The following DGKD variants were observed in gnomAD, a reference collection of about 807,000 sequenced individuals.
The protein encoded by DGKD is DAG kinase delta.
DGKD carries 68 observed loss-of-function variants against 154.4 expected under a neutral mutation model. That is an observed-to-expected ratio of 0.44 (90% confidence interval 0.36 to 0.54). DGKD has a LOEUF of 0.54. Ranked by LOEUF, DGKD falls within the 20% of genes least tolerant of loss-of-function variation. The pLI is 0.00. For missense variants in DGKD, 1,343 were observed against 1,593.6 expected (o/e 0.84, Z 2.68); for synonymous variants, 693 against 638.0 (o/e 1.09, Z -1.30).
intron 3 of DGKD, among the ~76,000 whole-genome samples, chr2:233,398,094 C>T (rs1393442007): frequency 9.1e-6 from 1 of 110,428 alleles, no homozygotes; most frequent in South Asian, 3.6e-4. Flanking sequence ...CCCCCACCCC[C>T]GATTTTGGCA....
rs182860728 is a variant in DGKD at position 233,423,816 on chromosome 2, C to G, written c.349-10564C>G. ...TTGTTGGGGCTTTCCACCCACCCCC[C>G]CAGTATCCATCACTGTTTTCGGCTG... On this transcript the variant is annotated intron_variant, in intron 3 of 29. Coordinates refer to ENST00000264057, the MANE Select transcript of DGKD (RefSeq NM_152879.3). 8.9e-3 allele frequency among the ~76,000 whole-genome samples: 1,354 copies of G among 152,258 alleles called. 13 individuals are homozygous for G. Among genetic ancestry groups the G allele is most frequent in the Middle Eastern group, 0.044 (13 of 294 alleles).
At chr2:233,451,142 A>T in intron 17 of DGKD, 92 bp downstream of exon 17, 10 of 1,176,384 alleles carry the variant, frequency 8.5e-6, no homozygotes, top group South Asian at 1.6e-5. Context: ...GCCCTCGGAG[A>T]GTTTACAGGC....
intron 1 of DGKD, among the ~76,000 whole-genome samples, chr2:233,359,199 C>T (rs866280980): frequency 6.6e-6 from 1 of 152,248 alleles, no homozygotes. Context: ...ATGAAGCATG[C>T]GATTGTGGAC....
Position 233,440,826 on chromosome 2 carries a change from G to C in DGKD, c.1086-1061G>C, listed in dbSNP as rs746584269. Among the ~76,000 whole-genome samples the C allele has an allele frequency of 1.3e-5, 2 of 152,188 alleles. No individual in the cohort carries two copies. The highest frequency in any genetic ancestry group is 2.9e-5 in the Non-Finnish European group (2 of 68,036). On this transcript the variant is annotated intron_variant, in intron 9 of 29. Coordinates refer to ENST00000264057, the MANE Select transcript of DGKD (RefSeq NM_152879.3). This position sits in a 1 kb window ranked among gnomAD's most constrained non-coding sequence, Gnocchi z 4.9. ...GAACTCATGGGGAGCTTTCAGGAAG[G>C]GTGTCAAGGTGACTGAGGCTCCTGT... is the stretch of plus-strand genomic sequence containing the variant.
intron 3 of DGKD, among the ~76,000 whole-genome samples, chr2:233,398,377 C>T (rs532719889): frequency 6.6e-6 from 1 of 152,018 alleles, no homozygotes; most frequent in East Asian, 1.9e-4. Context: ...GATCTCCTGA[C>T]CTCGTGATCC....
At chr2:233,376,580 A>AT (rs919254468) in intron 1 of DGKD, among the ~76,000 whole-genome samples, 182 of 151,632 alleles carry the variant, frequency 1.2e-3, no homozygotes, top group African/African-American at 3.6e-3. Context: ...CATTGTATGG[A>AT]TTTTTTTTTA....
At chr2:233,378,164 A>G (rs1216491774) in intron 1 of DGKD, among the ~76,000 whole-genome samples, 2 of 150,658 alleles carry the variant, frequency 1.3e-5, no homozygotes, top group African/African-American at 4.9e-5. Flanking sequence ...CTGTAATCCT[A>G]GCACTTTGGG....
chr2:233,464,384 C>T (rs1471150565), intron 27 of DGKD, 101 bp downstream of exon 27: 7 of 1,475,892 alleles, frequency 4.7e-6, no homozygotes, highest in South Asian at 3.7e-5. Flanking sequence ...GGATCAAGAT[C>T]GTGTCGCTCC....
chr2:233,463,501 C>G (rs1415289173), intron 26 of DGKD, among the ~76,000 whole-genome samples: 1 of 113,072 alleles, frequency 8.8e-6, no homozygotes, highest in Non-Finnish European at 1.7e-5. Context: ...CACGCATGTC[C>G]TCACTGCACG....
chr2:233,405,307 T>A (rs2061657097), intron 3 of DGKD, among the ~76,000 whole-genome samples: 1 of 151,908 alleles, frequency 6.6e-6, no homozygotes, highest in Non-Finnish European at 1.5e-5. Flanking sequence ...TCACCTGAGG[T>A]CGGGAGTTTG....
At position 233,467,108 on chromosome 2, in the gene DGKD, A is replaced by G. The variant is rs746258376; in HGVS notation, c.3329A>G (p.Lys1110Arg). The change falls in exon 28 of 30, where the codon AAG becomes AGG. Residue 1110 changes from lysine to arginine, a missense_variant. Physicochemically the swap from Lys to Arg is conservative, Grantham distance 26. Transcript: ENST00000264057. ...CAGAGTGTGATGCTGGATCTTGCCA[A>G]GCGCAGTCGCAGTGGTAAATTCCGC... is the stretch of plus-strand genomic sequence containing the variant. ...DEESVMLDLA[K>R]RSRSGKFRLV... 2.5e-6 allele frequency: 4 copies of G among 1,614,174 alleles called. No homozygotes were observed. The highest frequency in any genetic ancestry group is 2.5e-6 in the Non-Finnish European group (3 of 1,179,988).
rs537645794 is a variant in DGKD at position 233,445,252 on chromosome 2, T to G, written c.1195-371T>G. Among the ~76,000 whole-genome samples the G allele has an allele frequency of 4.6e-5, 7 of 151,446 alleles. No individual in the cohort carries two copies. The South Asian group carries it at 1.5e-3, about 32-fold the overall frequency. On this transcript the variant is annotated intron_variant, in intron 10 of 29. Coordinates refer to ENST00000264057, the MANE Select transcript of DGKD (RefSeq NM_152879.3). The surrounding 1 kb of genome is among the most constrained non-coding windows in gnomAD (Gnocchi z 5.5). ...AGGGACGGGTGGCGAGGCATCAGAGTGATTCCTTGGGGCTGTGGTCACGGT... is the reference window on the plus strand; with the variant it reads ...AGGGACGGGTGGCGAGGCATCAGAGGGATTCCTTGGGGCTGTGGTCACGGT...
In DGKD at chr2:233,469,878, C is replaced by T. The variant is rs1463438869; in HGVS notation, c.*418C>T. ...CTGTGGCCGCACCGTGTGGCTCCGC[C>T]TCCTGGCCCCCAGCCAGTTCTCAGA... is the stretch of plus-strand genomic sequence containing the variant. On this transcript the variant is annotated 3_prime_UTR_variant, in exon 30 of 30. Transcript: ENST00000264057. The T allele has an allele frequency of 6.1e-6, 1 of 163,304 alleles. No individual in the cohort carries two copies. Among genetic ancestry groups the T allele is most frequent in the African/African-American group, 2.4e-5 (1 of 41,766 alleles). The allele number at this position is 163,304 out of a possible 1,614,324, so 10.1% of individuals were successfully genotyped here. A position where few individuals can be genotyped will look rare whatever the true frequency, so the allele number is the denominator to read the frequency against.
At chr2:233,383,029 T>C (rs1407350907) in intron 1 of DGKD, among the ~76,000 whole-genome samples, 1 of 151,228 alleles carries the variant, frequency 6.6e-6, no homozygotes, top group African/African-American at 2.4e-5. Flanking sequence ...AGTTTCTTTT[T>C]TTCTTTCTTT....
intron 3 of DGKD, among the ~76,000 whole-genome samples, chr2:233,396,217 GT>G (rs1160350332): frequency 2.0e-4 from 30 of 152,178 alleles, no homozygotes; most frequent in African/African-American, 7.0e-4. Flanking sequence ...TGCAATGCGG[GT>G]TTGCTAACTG....
At chr2:233,426,708 A>G (rs747226523) in intron 3 of DGKD, among the ~76,000 whole-genome samples, 2 of 152,170 alleles carry the variant, frequency 1.3e-5, no homozygotes, top group Non-Finnish European at 2.9e-5. Context: ...ACATTCTCGT[A>G]TGCTTTGATG....
Position 233,449,912 on chromosome 2 carries a change from C to G in DGKD, c.1889-70C>G. 6.7e-7 allele frequency: 1 copy of G among 1,503,624 alleles called. No individual in the cohort carries two copies. The highest frequency in any genetic ancestry group is 1.3e-5 in the South Asian group (1 of 74,422). The allele number at this position is 1,503,624 out of a possible 1,614,324, so 93.1% of individuals were successfully genotyped here. On this transcript the variant is annotated intron_variant, in intron 15 of 29. Coordinates refer to ENST00000264057, the MANE Select transcript of DGKD (RefSeq NM_152879.3). This position sits in a 1 kb window ranked among gnomAD's most constrained non-coding sequence, Gnocchi z 5.3. ...GGCCGTGGGGTGAGGATGAGGGGCC[C>G]TCCACCCAGCCTGACAGCGCCCTTG... is the stretch of plus-strand genomic sequence containing the variant.
chr2:233,363,402 A>G (rs1701876710), intron 1 of DGKD, among the ~76,000 whole-genome samples: 1 of 152,244 alleles, frequency 6.6e-6, no homozygotes, highest in Non-Finnish European at 1.5e-5. Context: ...ATACTTTTGT[A>G]CAAGTGTACA....
At chr2:233,435,780 G>C (rs748775604) in intron 5 of DGKD, 38 bp from the exon 6 acceptor site, 40 of 1,586,114 alleles carry the variant, frequency 2.5e-5, no homozygotes, top group Non-Finnish European at 3.4e-5. Context: ...TCTTGGCACA[G>C]ACACAGCTTG....
Sources: allele counts gnomAD v4.1 joint callset (sites outside exome capture counted in the v4.1 genomes callset), GRCh38; gene constraint gnomAD v4.1.1; non-coding constraint Gnocchi (gnomAD v3.1); transcripts MANE v1.5; gene names NCBI Gene and HGNC (gene_info 2026-07-23, HGNC 2026-07-21).